MATR3: variants seen among roughly 807,000 people sequenced by gnomAD.
MATR3 encodes the protein matrin-3.
Under a neutral mutation model 85.5 loss-of-function variants are expected in MATR3, and 4 were observed. That is an observed-to-expected ratio of 0.05 (90% confidence interval 0.02 to 0.11). The LOEUF (loss-of-function observed/expected upper bound fraction) is 0.11. Ranked by LOEUF, MATR3 falls within the 10% of genes least tolerant of loss-of-function variation. The probability of loss-of-function intolerance (pLI) is 1.00; values close to 1 mark genes in which losing one functional copy is unlikely to be tolerated. For synonymous variants in MATR3, 336 were observed against 343.1 expected, an observed-to-expected ratio of 0.98 and a Z score of 0.23; for missense variants, 685 against 1,016.1, an observed-to-expected ratio of 0.67 and a Z score of 4.43.
Position 139,320,317 on chromosome 5 carries a change from A to G in MATR3, c.1602+816A>G, listed in dbSNP as rs547949870. Among the ~76,000 whole-genome samples the G allele has an allele frequency of 1.8e-4, 27 of 152,206 alleles. 1 individual carries two copies. Among genetic ancestry groups the G allele is most frequent in the Admixed American group, 1.1e-3 (17 of 15,290 alleles). ...AGCAAGACTCCATCTCAAAAAAAAAAATTTAGAGTTAGGCTGGATGCATTG... is the reference window on the plus strand; with the variant it reads ...AGCAAGACTCCATCTCAAAAAAAAAGATTTAGAGTTAGGCTGGATGCATTG... On this transcript the variant is annotated intron_variant, in intron 9 of 14. Transcript: ENST00000394805.
At chr5:139,300,958 C>T (rs182278686) in intron 1 of MATR3, among the ~76,000 whole-genome samples, 134 of 152,190 alleles carry the variant, frequency 8.8e-4, no homozygotes, top group Admixed American at 1.8e-3. Context: ...GGATTACAGG[C>T]GCCTGCCACC....
At chr5:139,282,315 T>C (rs531155957) in intron 3 of MATR3, among the ~76,000 whole-genome samples, 10 of 152,228 alleles carry the variant, frequency 6.6e-5, no homozygotes, top group Non-Finnish European at 1.3e-4. Context: ...CTTAATGCTA[T>C]TTAGGAACAC....
intron 2 of MATR3, chr5:139,311,553 T>G (rs1171398115): frequency 1.3e-5 from 2 of 152,112 alleles, no homozygotes; most frequent in African/African-American, 4.8e-5. Context: ...CCCCTAAGTT[T>G]GAACCTTTAA....
intron 3 of MATR3, chr5:139,279,643 A>C (rs1364329778): frequency 1.3e-5 from 2 of 159,070 alleles, no homozygotes; most frequent in African/African-American, 4.8e-5. Flanking sequence ...AGCTGGGATT[A>C]TAGGCGTGCA....
At chr5:139,289,568 A>G (rs145345628), upstream of MATR3, among the ~76,000 whole-genome samples, 42 of 152,330 alleles carry the variant, frequency 2.8e-4, no homozygotes, top group East Asian at 2.7e-3. Context: ...TCTTCCTTCT[A>G]CCAATCTAAT....
At chr5:139,288,143 A>AAT (rs1230665064) in intron 3 of MATR3, among the ~76,000 whole-genome samples, 2 of 152,158 alleles carry the variant, frequency 1.3e-5, no homozygotes, top group African/African-American at 2.4e-5. Context: ...GAGCCCAGGA[A>AAT]ATCAAGGCTA....
chr5:139,304,071 G>A lies in MATR3; in HGVS notation c.-177-3168G>A, dbSNP rs566698552. Among the ~76,000 whole-genome samples, 3 of 152,238 alleles carry A rather than the reference G, an allele frequency of 2.0e-5. No individual in the cohort carries two copies. In the East Asian group the frequency reaches 5.8e-4, roughly 29 times the overall value. ...CTGAAACGTTTCCTAACCATACATA[G>A]GGATGATACTCAGATTTGTTTAGAT... is the stretch of plus-strand genomic sequence containing the variant. On this transcript the variant is annotated intron_variant, in intron 1 of 14. Transcript: ENST00000394805.
At chr5:139,313,298 A>G (rs1755084355) in intron 2 of MATR3, 1 of 150,702 alleles carries the variant, frequency 6.6e-6, no homozygotes, top group Non-Finnish European at 1.5e-5. Context: ...GTAAAACAAG[A>G]CTGCTTTATA....
intron 3 of MATR3, among the ~76,000 whole-genome samples, chr5:139,286,123 C>A (rs75249911): frequency 0.017 from 2,657 of 152,180 alleles, 84 homozygotes; most frequent in African/African-American, 0.062. Flanking sequence ...TTCAAAAACT[C>A]CTTTGTAAGA....
intron 1 of MATR3, among the ~76,000 whole-genome samples, chr5:139,275,774 C>A (rs1753253332): frequency 6.6e-6 from 1 of 152,156 alleles, no homozygotes; most frequent in Admixed American, 6.5e-5. Flanking sequence ...CCACTGCACT[C>A]CAGCCTGGGT....
At chr5:139,326,421 A>AT in intron 14 of MATR3, 137 bp downstream of exon 14, 8 of 704,362 alleles carry the variant, frequency 1.1e-5, no homozygotes, top group East Asian at 1.0e-4. Context: ...CTTTTTATTT[A>AT]CTTTTTTTTT....
At chr5:139,308,377 AT>A in intron 2 of MATR3, 50 bp downstream of exon 2, 1 of 1,601,696 alleles carries the variant, frequency 6.2e-7, no homozygotes, top group Non-Finnish European at 8.6e-7. Flanking sequence ...TGTAGTGCCT[AT>A]TTACCTATAT....
At chr5:139,304,052 C>T (rs1461226616) in intron 1 of MATR3, among the ~76,000 whole-genome samples, 2 of 152,044 alleles carry the variant, frequency 1.3e-5, no homozygotes, top group African/African-American at 2.4e-5. Context: ...TTAACTGAAA[C>T]GTTTCCTAAC....
At chr5:139,292,320 C>A (rs754674672), upstream of MATR3, among the ~76,000 whole-genome samples, 1 of 152,094 alleles carries the variant, frequency 6.6e-6, no homozygotes, top group Non-Finnish European at 1.5e-5. Flanking sequence ...CCACAGTAGC[C>A]GCCTCTCAAG....
chr5:139,321,085 G>T (rs934847330), intron 9 of MATR3, among the ~76,000 whole-genome samples: 1 of 151,644 alleles, frequency 6.6e-6, no homozygotes, highest in Non-Finnish European at 1.5e-5. Flanking sequence ...AGTGTATATA[G>T]ATGGCTTAGT....
intron 8 of MATR3, 108 bp downstream of exon 8, chr5:139,319,141 C>G: frequency 7.4e-7 from 1 of 1,350,010 alleles, no homozygotes; most frequent in Non-Finnish European, 1.0e-6. Flanking sequence ...GTGGCTCACG[C>G]CTGTAATCCC....
At chr5:139,292,295 C>G (rs1753901744), upstream of MATR3, among the ~76,000 whole-genome samples, 1 of 152,132 alleles carries the variant, frequency 6.6e-6, no homozygotes, top group Non-Finnish European at 1.5e-5. Context: ...GTTTTGTGAT[C>G]TACCAAATGG....
At chr5:139,285,868 GA>G (rs1238485761) in intron 3 of MATR3, among the ~76,000 whole-genome samples, 1 of 151,620 alleles carries the variant, frequency 6.6e-6, no homozygotes, top group African/African-American at 2.4e-5. Context: ...AAATTAGTCA[GA>G]GGAAAAAAAA....
intron 6 of MATR3, 78 bp downstream of exon 6, chr5:139,317,183 G>T: frequency 2.2e-6 from 3 of 1,350,556 alleles, no homozygotes; most frequent in Non-Finnish European, 3.2e-6. Flanking sequence ...TACTAGTTGA[G>T]TATGTATCGT....
Sources: allele counts gnomAD v4.1 joint callset (sites outside exome capture counted in the v4.1 genomes callset), GRCh38; gene constraint gnomAD v4.1.1; transcripts MANE v1.5; gene names NCBI Gene and HGNC (gene_info 2026-07-23, HGNC 2026-07-21).